SRGAP3: variants seen among roughly 807,000 people sequenced by gnomAD.
SRGAP3 encodes the protein SLIT-ROBO Rho GTPase-activating protein 3.
Under a neutral mutation model 121.1 loss-of-function variants are expected in SRGAP3, and 39 were observed. The ratio of observed to expected loss-of-function variants is 0.32; its 90% CI spans 0.25 to 0.42. The LOEUF (loss-of-function observed/expected upper bound fraction) is 0.42. SRGAP3 is among the 10% of genes least tolerant of loss of function. The probability of loss-of-function intolerance (pLI) is 1.00; values close to 1 mark genes in which losing one functional copy is unlikely to be tolerated. For missense variants in SRGAP3, 1,213 were observed against 1,470.6 expected, an observed-to-expected ratio of 0.82 and a Z score of 2.86; for synonymous variants, 601 against 570.0, an observed-to-expected ratio of 1.05 and a Z score of -0.77.
intron 3 of SRGAP3, among the ~76,000 whole-genome samples, chr3:9,309,470 A>T (rs577004827): frequency 6.6e-6 from 1 of 152,258 alleles, no homozygotes; most frequent in South Asian, 2.1e-4. Flanking sequence ...TTAACATTAC[A>T]CTGCTTTAGA....
intron 1 of SRGAP3, among the ~76,000 whole-genome samples, chr3:9,184,360 C>T (rs1951528407): frequency 6.6e-6 from 1 of 152,140 alleles, no homozygotes; most frequent in Non-Finnish European, 1.5e-5. Flanking sequence ...ATCTGAACTG[C>T]CACAGCTACT....
intron 3 of SRGAP3, among the ~76,000 whole-genome samples, chr3:9,261,876 T>TA (rs34047232): frequency 0.27 from 33,156 of 120,674 alleles, 4,801 homozygotes; most frequent in Non-Finnish European, 0.33. Context: ...CTCATATATT[T>TA]AAAAAAAAAA....
At chr3:9,050,575 C>T (rs1945517537) in intron 9 of SRGAP3, among the ~76,000 whole-genome samples, 1 of 152,202 alleles carries the variant, frequency 6.6e-6, no homozygotes, top group African/African-American at 2.4e-5. Context: ...AGAAGGTATA[C>T]TAGGAAACCA....
intron 2 of SRGAP3, among the ~76,000 whole-genome samples, chr3:9,105,923 G>A (rs575782016): frequency 1.3e-5 from 2 of 152,300 alleles, no homozygotes; most frequent in East Asian, 1.9e-4. Flanking sequence ...CTACGGATGG[G>A]CAAAATCATT....
At chr3:9,069,918 G>A (rs62246981) in intron 4 of SRGAP3, among the ~76,000 whole-genome samples, 24,519 of 152,152 alleles carry the variant, frequency 0.16, 2,181 homozygotes, top group East Asian at 0.34. Context: ...CTGCACTCCA[G>A]CCTGGGCGAC....
chr3:9,013,457 G>A lies in SRGAP3; in HGVS notation c.1998C>T (p.Ile666=). The A allele has an allele frequency of 6.2e-7, 1 of 1,614,092 alleles. No individual in the cohort carries two copies. The highest frequency in any genetic ancestry group is 8.5e-7 in the Non-Finnish European group (1 of 1,180,028). ...AICFGPTLMH[I]PDGQDPVSCQ... ...AGGACACAGGGTCCTGCCCATCAGG[G>A]ATGTGCATGAGGGTAGGCCCGAAGC... The change falls in exon 17 of 22, where the codon ATC becomes ATT. Residue 666 remains isoleucine, a synonymous_variant. Coordinates refer to ENST00000383836, the MANE Select transcript of SRGAP3 (RefSeq NM_014850.4).
chr3:9,274,398 A>T (rs373266315), intron 3 of SRGAP3, among the ~76,000 whole-genome samples: 1 of 152,178 alleles, frequency 6.6e-6, no homozygotes, highest in Non-Finnish European at 1.5e-5. Flanking sequence ...TTCACCCATC[A>T]TGGGAGGGGG....
intron 14 of SRGAP3, among the ~76,000 whole-genome samples, chr3:9,018,837 A>C (rs1279439340): frequency 6.6e-6 from 1 of 152,038 alleles, no homozygotes; most frequent in African/African-American, 2.4e-5. Context: ...GAAAAGCCCT[A>C]CTCTTATCCT....
At chr3:9,044,509 T>C (rs1477973504) in intron 10 of SRGAP3, among the ~76,000 whole-genome samples, 1 of 152,156 alleles carries the variant, frequency 6.6e-6, no homozygotes, top group Non-Finnish European at 1.5e-5. Context: ...AACGTATGAA[T>C]TGTTTATTTC....
At chr3:9,062,980 A>G (rs1405892338) in intron 5 of SRGAP3, among the ~76,000 whole-genome samples, 1 of 152,178 alleles carries the variant, frequency 6.6e-6, no homozygotes. Flanking sequence ...TCCCTTTAGT[A>G]GTGTGTGAAG....
intron 19 of SRGAP3, 76 bp from the exon 20 acceptor site, chr3:8,993,131 G>A: frequency 6.3e-7 from 1 of 1,597,994 alleles, no homozygotes; most frequent in East Asian, 2.2e-5. Context: ...CCTGATATGT[G>A]TCTGAGGGGC....
rs534044180 is a variant in SRGAP3 at position 8,990,691 on chromosome 3, G to T, written c.2707C>A (p.Arg903=). The change falls in exon 21 of 22, where the codon CGG becomes AGG. Residue 903 remains arginine, a synonymous_variant. Coordinates refer to ENST00000383836, the MANE Select transcript of SRGAP3 (RefSeq NM_014850.4). ...TTCTCAGGGCTCTCGATCCTCCCCC[G>T]GGTGAGGGGGATTTTGTGGGGGCTG... ...PSSPHKIPLT[R]GRIESPEKRR... 6.2e-6 allele frequency: 10 copies of T among 1,613,280 alleles called. No homozygotes were observed. In the Admixed American group the frequency reaches 1.5e-4, roughly 24 times the overall value.
At chr3:9,223,605 G>A (rs747634999) in intron 1 of SRGAP3, among the ~76,000 whole-genome samples, 1 of 152,180 alleles carries the variant, frequency 6.6e-6, no homozygotes, top group South Asian at 2.1e-4. Flanking sequence ...GCATCACGGG[G>A]TTGCTAGGGA....
At chr3:9,256,161 G>C (rs1053251905) in intron 3 of SRGAP3, among the ~76,000 whole-genome samples, 2 of 152,076 alleles carry the variant, frequency 1.3e-5, no homozygotes, top group African/African-American at 4.8e-5. Context: ...ATCAGGACCT[G>C]TCACGGAGCT....
intron 4 of SRGAP3, among the ~76,000 whole-genome samples, chr3:9,066,384 T>C (rs1194844810): frequency 1.3e-5 from 2 of 152,212 alleles, no homozygotes; most frequent in Non-Finnish European, 2.9e-5. Context: ...TGCTCCTATC[T>C]AACCAAGCCC....
intron 10 of SRGAP3, among the ~76,000 whole-genome samples, chr3:9,042,206 A>G (rs1486214009): frequency 1.3e-5 from 2 of 152,164 alleles, no homozygotes; most frequent in Non-Finnish European, 2.9e-5. Context: ...ATATGTGTCA[A>G]TATAGAAAAT....
intron 5 of SRGAP3, among the ~76,000 whole-genome samples, chr3:9,061,570 A>G (rs1346076533): frequency 6.6e-6 from 1 of 151,852 alleles, no homozygotes; most frequent in Admixed American, 6.6e-5. Context: ...CTGAAACTGT[A>G]TTTTTTTCTA....
chr3:9,082,662 C>A (rs1947297227), intron 3 of SRGAP3, among the ~76,000 whole-genome samples: 1 of 152,240 alleles, frequency 6.6e-6, no homozygotes, highest in Non-Finnish European at 1.5e-5. Flanking sequence ...TGAGCAGCTG[C>A]AGCCTCCTGC....
intron 2 of SRGAP3, among the ~76,000 whole-genome samples, chr3:9,120,097 C>T (rs1019054577): frequency 3.3e-4 from 50 of 152,340 alleles, no homozygotes; most frequent in African/African-American, 1.2e-3. Context: ...TTTCTTTTAG[C>T]TGCTTTTTAA....
Sources: gnomAD v4.1 joint callset for allele counts (sites outside exome capture counted in the v4.1 genomes callset) on GRCh38, gnomAD v4.1.1 for gene constraint, MANE v1.5 for transcripts, NCBI Gene and HGNC (gene_info 2026-07-23, HGNC 2026-07-21) for gene names.